MICU2: variants seen among roughly 807,000 people sequenced by gnomAD.
MICU2 encodes calcium uptake protein 2, mitochondrial.
In MICU2, 64 loss-of-function variants were observed where a neutral mutation model predicts 60.4. That is an observed-to-expected ratio of 1.06 (90% CI 0.87 to 1.31). The LOEUF (loss-of-function observed/expected upper bound fraction) is 1.31. Ranked by LOEUF, MICU2 falls within the 50% of genes most tolerant of loss-of-function variation. The probability of loss-of-function intolerance (pLI) is 0.00; values close to 1 mark genes in which losing one functional copy is unlikely to be tolerated. For missense variants in MICU2, 569 were observed against 531.0 expected (o/e 1.07, Z -0.70); for synonymous variants, 201 against 175.0 (o/e 1.15, Z -1.17).
chr13:21,553,765 G>A (rs1291056540), intron 2 of MICU2, among the ~76,000 whole-genome samples: 1 of 152,170 alleles, frequency 6.6e-6, no homozygotes, highest in Non-Finnish European at 1.5e-5. Context: ...AGACCCATCA[G>A]TGTGCTGTAT....
At chr13:21,575,533 G>C (rs1228284489) in intron 1 of MICU2, among the ~76,000 whole-genome samples, 1 of 151,406 alleles carries the variant, frequency 6.6e-6, no homozygotes, top group Non-Finnish European at 1.5e-5. Flanking sequence ...GACCAGCCTG[G>C]GCAACACGGC....
chr13:21,503,126 G>A, intron 8 of MICU2, 29 bp from the exon 9 acceptor site: 1 of 1,518,340 alleles, frequency 6.6e-7, no homozygotes, highest in Non-Finnish European at 9.0e-7. Flanking sequence ...AATTAGTAAG[G>A]TAACTAGTGG....
At chr13:21,581,425 G>C (rs1230729477) in intron 1 of MICU2, among the ~76,000 whole-genome samples, 1 of 152,122 alleles carries the variant, frequency 6.6e-6, no homozygotes, top group African/African-American at 2.4e-5. Flanking sequence ...CTACAGCAGA[G>C]GTTGTTAACC....
intron 9 of MICU2, among the ~76,000 whole-genome samples, chr13:21,502,604 C>T (rs955490051): frequency 2.6e-5 from 4 of 152,132 alleles, no homozygotes; most frequent in Non-Finnish European, 5.9e-5. Flanking sequence ...ACAACTACTA[C>T]CCCCTTTCAC....
chr13:21,601,968 C>T (rs1355041614), intron 1 of MICU2, among the ~76,000 whole-genome samples: 1 of 151,322 alleles, frequency 6.6e-6, no homozygotes, highest in Non-Finnish European at 1.5e-5. Flanking sequence ...ATTAGCTGGA[C>T]GTGGTGGCGT....
rs930620633 is a variant in MICU2 at position 21,570,008 on chromosome 13, A to G, written c.211-3064T>C. Among the ~76,000 whole-genome samples, 4 of 150,444 alleles carry G rather than the reference A, an allele frequency of 2.7e-5. No homozygotes were observed. In the East Asian group the frequency reaches 7.7e-4, roughly 29 times the overall value. On this transcript the variant is annotated intron_variant, in intron 1 of 11. Transcript: ENST00000382374. ...GGTAATGGTAGTTGGGAAAGTTTTT[A>G]TGAAAAGAATAGGATTTAAGCTAAA...
At chr13:21,524,026 C>T (rs1886788932) in intron 4 of MICU2, among the ~76,000 whole-genome samples, 1 of 152,164 alleles carries the variant, frequency 6.6e-6, no homozygotes, top group African/African-American at 2.4e-5. Flanking sequence ...AGTCACTAAA[C>T]TTTCTTGCTT....
chr13:21,552,664 C>T (rs1270498919), intron 2 of MICU2, among the ~76,000 whole-genome samples: 1 of 152,122 alleles, frequency 6.6e-6, no homozygotes, highest in Non-Finnish European at 1.5e-5. Context: ...CCAGTTTTCC[C>T]AGCACCATTT....
At chr13:21,563,010 A>T (rs180895276) in intron 2 of MICU2, among the ~76,000 whole-genome samples, 16 of 152,284 alleles carry the variant, frequency 1.1e-4, no homozygotes, top group Middle Eastern at 3.4e-3. Flanking sequence ...CTAGATATAG[A>T]ATTCTACATT....
At chr13:21,496,404 T>C (rs1885998228) in intron 9 of MICU2, 1 of 426,932 alleles carries the variant, frequency 2.3e-6, no homozygotes, top group South Asian at 3.2e-5. Context: ...TGCTGGTGCC[T>C]TGATCTTGGA....
rs5802119 is a variant in MICU2, at chr13:21,515,085, G to GTTTT, written c.598-671_598-668dup. On this transcript the variant is annotated intron_variant, in intron 6 of 11. Transcript: ENST00000382374. ...TTATGGTGACATTTTCAAGTATATA[G>GTTTT]TTTTTTTTTTTTTTGAGACGGAGTC... Among the ~76,000 whole-genome samples the GTTTT allele has an allele frequency of 3.1e-4, 43 of 139,330 alleles. 1 individual carries two copies. Among genetic ancestry groups the GTTTT allele is most frequent in the African/African-American group, 5.8e-4 (22 of 37,814 alleles). The allele number at this position is 139,330 out of a possible 152,430, so 91.4% of individuals were successfully genotyped here.
intron 2 of MICU2, among the ~76,000 whole-genome samples, chr13:21,549,342 A>G (rs1414506806): frequency 6.6e-6 from 1 of 152,182 alleles, no homozygotes; most frequent in African/African-American, 2.4e-5. Flanking sequence ...GAGCAGGAAG[A>G]TGAGCCCCAA....
chr13:21,496,253 T>C, intron 9 of MICU2, 93 bp from the exon 10 acceptor site: 1 of 893,682 alleles, frequency 1.1e-6, no homozygotes, highest in South Asian at 1.6e-5. Context: ...CCGTAGAGAC[T>C]AGTATCATTC....
intron 1 of MICU2, among the ~76,000 whole-genome samples, chr13:21,598,446 T>G (rs1240261160): frequency 2.0e-5 from 3 of 152,190 alleles, no homozygotes; most frequent in Non-Finnish European, 1.5e-5. Flanking sequence ...CCAGGTGCGG[T>G]GGCTCACACC....
chr13:21,517,141 AAC>A (rs1886590192), intron 6 of MICU2, among the ~76,000 whole-genome samples: 1 of 152,216 alleles, frequency 6.6e-6, no homozygotes, highest in Admixed American at 6.5e-5. Context: ...TACACTTACT[AAC>A]ACAGTTTTCA....
intron 1 of MICU2, among the ~76,000 whole-genome samples, chr13:21,574,024 G>A (rs891018914): frequency 6.6e-6 from 1 of 152,188 alleles, no homozygotes; most frequent in Admixed American, 6.5e-5. Flanking sequence ...GGTTGGCAGT[G>A]TATACAGTTA....
chr13:21,540,215 T>G (rs549620186), intron 2 of MICU2, among the ~76,000 whole-genome samples: 1 of 152,324 alleles, frequency 6.6e-6, no homozygotes, highest in Non-Finnish European at 1.5e-5. Context: ...AACAGAGATT[T>G]AAAATTCTTT....
intron 1 of MICU2, among the ~76,000 whole-genome samples, chr13:21,590,756 G>A (rs1888562256): frequency 6.6e-6 from 1 of 152,200 alleles, no homozygotes; most frequent in Non-Finnish European, 1.5e-5. Flanking sequence ...TCAGGAGGCT[G>A]AGGCAGGAGG....
At chr13:21,585,969 A>T (rs1000708610) in intron 1 of MICU2, among the ~76,000 whole-genome samples, 4 of 152,206 alleles carry the variant, frequency 2.6e-5, no homozygotes, top group Non-Finnish European at 5.9e-5. Context: ...ACTTGTATTA[A>T]ACTCAAATAC....
Sources: allele counts gnomAD v4.1 joint callset (sites outside exome capture counted in the v4.1 genomes callset), GRCh38; gene constraint gnomAD v4.1.1; transcripts MANE v1.5; gene names NCBI Gene and HGNC (gene_info 2026-07-23, HGNC 2026-07-21).